CDH18: variants seen among roughly 807,000 people sequenced by gnomAD.
The protein encoded by CDH18 is cadherin 18.
Under a neutral mutation model 67.9 loss-of-function variants are expected in CDH18, and 31 were observed. The observed-to-expected ratio is 0.46, with a 90% CI of 0.34 to 0.62. CDH18 has a LOEUF of 0.62. CDH18 is among the 20% of genes least tolerant of loss of function. The pLI is 0.01. For missense variants in CDH18, 890 were observed against 975.5 expected (o/e 0.91, Z 1.17); for synonymous variants, 362 against 347.2 (o/e 1.04, Z -0.48).
chr5:20,162,702 T>TACATACA (rs1353620766), intron 2 of CDH18, among the ~76,000 whole-genome samples: 1 of 151,392 alleles, frequency 6.6e-6, no homozygotes, highest in Non-Finnish European at 1.5e-5. Flanking sequence ...TATATGTATA[T>TACATACA]ACATACATAT....
intron 2 of CDH18, among the ~76,000 whole-genome samples, chr5:19,850,067 C>G (rs1055581939): frequency 1.3e-5 from 2 of 151,574 alleles, no homozygotes; most frequent in Non-Finnish European, 2.9e-5. Context: ...AAGTTAATAT[C>G]AAAAAATTTC....
chr5:20,202,460 T>A (rs535413291), intron 2 of CDH18, among the ~76,000 whole-genome samples: 1 of 152,214 alleles, frequency 6.6e-6, no homozygotes, highest in Non-Finnish European at 1.5e-5. Context: ...ACTTCCATAT[T>A]TTGTTATCTT....
chr5:19,800,886 A>G (rs1777389001), intron 3 of CDH18, among the ~76,000 whole-genome samples: 2 of 152,292 alleles, frequency 1.3e-5, no homozygotes, highest in South Asian at 2.1e-4. Context: ...TGGGAGGCCG[A>G]GTCGGGCAGA....
intron 1 of CDH18, among the ~76,000 whole-genome samples, chr5:20,369,724 G>C (rs911331565): frequency 1.3e-5 from 2 of 152,138 alleles, no homozygotes; most frequent in African/African-American, 4.8e-5. Flanking sequence ...AAAGCTTCTT[G>C]TACTGTTTGC....
chr5:20,266,080 C>T (rs4286676), intron 1 of CDH18, among the ~76,000 whole-genome samples: 5,967 of 152,220 alleles, frequency 0.039, 355 homozygotes, highest in East Asian at 0.28. Flanking sequence ...GTGACTTACA[C>T]CATTATCTCC....
At chr5:20,502,703 A>G (rs1305591477) in intron 1 of CDH18, among the ~76,000 whole-genome samples, 6 of 152,226 alleles carry the variant, frequency 3.9e-5, no homozygotes, top group African/African-American at 1.2e-4. Context: ...AACAAGGTGT[A>G]TAATAAGAAA....
intron 1 of CDH18, among the ~76,000 whole-genome samples, chr5:20,262,757 T>C (rs79247289): frequency 0.027 from 4,074 of 152,120 alleles, 193 homozygotes; most frequent in African/African-American, 0.092. Flanking sequence ...TGTTGTACGC[T>C]AGAAATATAT....
chr5:19,580,476 A>C (rs1437479971), intron 7 of CDH18, among the ~76,000 whole-genome samples: 1 of 151,916 alleles, frequency 6.6e-6, no homozygotes, highest in Non-Finnish European at 1.5e-5. Context: ...AATTCCTAGC[A>C]CATGGAATTT....
chr5:19,695,520 GT>G lies in CDH18; in HGVS notation c.643+25826del, dbSNP rs202215654. The stretch of plus-strand genomic sequence containing the variant: ...TTAAGAGCCTAAAAATGCATTAGAG[GT>G]TTTTTTTCGCTTGACATACAATCAG... On this transcript the variant is annotated intron_variant, in intron 5 of 12. Transcript: ENST00000382275. Among the ~76,000 whole-genome samples, 236 of 151,948 alleles carry G rather than the reference GT, an allele frequency of 1.6e-3. 2 individuals carry two copies. The highest frequency in any genetic ancestry group is 5.5e-3 in the African/African-American group (227 of 41,426).
intron 2 of CDH18, among the ~76,000 whole-genome samples, chr5:19,965,690 G>T (rs1797358487): frequency 6.6e-6 from 1 of 152,102 alleles, no homozygotes; most frequent in Non-Finnish European, 1.5e-5. Context: ...TGTCCTGAAG[G>T]CTACATTTCT....
chr5:19,571,980 C>A (rs2149939572), intron 7 of CDH18, 148 bp from the exon 8 acceptor site: 2 of 661,264 alleles, frequency 3.0e-6, no homozygotes, highest in South Asian at 4.1e-5. Flanking sequence ...CTAAAACGAA[C>A]TATGAAGATT....
chr5:19,661,340 C>T (rs1400479580), intron 5 of CDH18, among the ~76,000 whole-genome samples: 1 of 151,492 alleles, frequency 6.6e-6, no homozygotes, highest in African/African-American at 2.4e-5. Flanking sequence ...TAGTATTTAC[C>T]CATCTAATAC....
At chr5:20,205,522 A>C (rs1231264203) in intron 2 of CDH18, among the ~76,000 whole-genome samples, 1 of 151,926 alleles carries the variant, frequency 6.6e-6, no homozygotes, top group Non-Finnish European at 1.5e-5. Flanking sequence ...TACACACTAG[A>C]CCAAAGAGGT....
At chr5:20,248,728 A>G (rs1475785871) in intron 2 of CDH18, among the ~76,000 whole-genome samples, 1 of 152,226 alleles carries the variant, frequency 6.6e-6, no homozygotes, top group South Asian at 2.1e-4. Flanking sequence ...ACTGCTTTGT[A>G]CTTAAAAATA....
At chr5:20,025,449 T>C (rs540541160) in intron 2 of CDH18, among the ~76,000 whole-genome samples, 1 of 152,330 alleles carries the variant, frequency 6.6e-6, no homozygotes, top group South Asian at 2.1e-4. Context: ...ATAATTCTAC[T>C]GTTTTTTTAT....
chr5:19,755,220 A>T (rs533172654), intron 3 of CDH18, among the ~76,000 whole-genome samples: 1 of 151,132 alleles, frequency 6.6e-6, no homozygotes, highest in East Asian at 2.0e-4. Flanking sequence ...AAAAAATAAA[A>T]AAAAGAAATA....
intron 2 of CDH18, among the ~76,000 whole-genome samples, chr5:20,079,928 A>G (rs756523142): frequency 3.9e-5 from 6 of 152,126 alleles, no homozygotes; most frequent in Non-Finnish European, 7.3e-5. Flanking sequence ...AGAGAAAGAA[A>G]GAAAGTTCTC....
chr5:19,803,417 G>A (rs1432942513), intron 3 of CDH18, among the ~76,000 whole-genome samples: 2 of 152,152 alleles, frequency 1.3e-5, no homozygotes, highest in African/African-American at 2.4e-5. Flanking sequence ...TAAATTTAAA[G>A]TAATGAAATC....
intron 1 of CDH18, among the ~76,000 whole-genome samples, chr5:20,525,662 C>A (rs911237511): frequency 4.6e-5 from 7 of 152,086 alleles, no homozygotes; most frequent in Non-Finnish European, 8.8e-5. Flanking sequence ...GTCATTTTGA[C>A]AAAATTATCA....
Sources: gnomAD v4.1 joint callset for allele counts (sites outside exome capture counted in the v4.1 genomes callset) on GRCh38, gnomAD v4.1.1 for gene constraint, MANE v1.5 for transcripts, NCBI Gene and HGNC (gene_info 2026-07-23, HGNC 2026-07-21) for gene names.